NAALADL2: variants seen among roughly 807,000 people sequenced by gnomAD.
NAALADL2 encodes the protein inactive N-acetylated-alpha-linked acidic dipeptidase-like protein 2.
A neutral mutation model predicts 87.2 loss-of-function variants in NAALADL2; 76 were observed. The ratio of observed to expected loss-of-function variants is 0.87; its 90% CI spans 0.72 to 1.05. NAALADL2 has a LOEUF of 1.05. NAALADL2 is among the 50% of genes least tolerant of loss of function. The probability of loss-of-function intolerance (pLI) is 0.00; values close to 1 mark genes in which losing one functional copy is unlikely to be tolerated. For missense variants in NAALADL2, 1,089 were observed against 945.8 expected (o/e 1.15, Z -1.99); for synonymous variants, 354 against 331.0 (o/e 1.07, Z -0.75).
At chr3:174,456,835 A>G (rs1228954568) in intron 1 of NAALADL2, among the ~76,000 whole-genome samples, 1 of 152,168 alleles carries the variant, frequency 6.6e-6, no homozygotes, top group Non-Finnish European at 1.5e-5. Flanking sequence ...GAAGACACCA[A>G]AAGCAATTGC....
intron 1 of NAALADL2, among the ~76,000 whole-genome samples, chr3:174,977,290 A>G: frequency 6.6e-6 from 1 of 152,198 alleles, no homozygotes; most frequent in East Asian, 1.9e-4. Flanking sequence ...ACGCCCAGCT[A>G]ATTTTTGTAT....
At chr3:175,511,461 C>T (rs996750555) in intron 9 of NAALADL2, among the ~76,000 whole-genome samples, 8 of 152,132 alleles carry the variant, frequency 5.3e-5, no homozygotes, top group Non-Finnish European at 8.8e-5. Context: ...GGAAGGGCCA[C>T]GTGGCAATAC....
chr3:175,556,058 G>A (rs1030078564), intron 9 of NAALADL2, among the ~76,000 whole-genome samples: 1 of 152,226 alleles, frequency 6.6e-6, no homozygotes, highest in South Asian at 2.1e-4. Flanking sequence ...TAAGGGCATC[G>A]TCTCTGGGTA....
chr3:174,813,301 T>C (rs1473004624), intron 3 of NAALADL2, among the ~76,000 whole-genome samples: 3 of 152,078 alleles, frequency 2.0e-5, no homozygotes, highest in Non-Finnish European at 4.4e-5. Context: ...AATCTCATAA[T>C]GTTTTAAGAA....
At position 174,532,776 on chromosome 3, in the gene NAALADL2, C is replaced by A. The variant is rs557423931; in HGVS notation, c.-183-17793C>A. Among the ~76,000 whole-genome samples the A allele has an allele frequency of 7.6e-3, 1,157 of 152,148 alleles. 6 individuals carry two copies. Among genetic ancestry groups the A allele is most frequent in the Non-Finnish European group, 0.012 (816 of 67,998 alleles). ...CCTTTCTACTCACTTCTCAACTTCA[C>A]CAAACTGTATCCCCTGTTGACTTTT... On this transcript the variant is annotated intron_variant, in intron 1 of 3. Transcript: ENST00000434257.
chr3:175,078,274 A>C (rs565255816), intron 1 of NAALADL2, among the ~76,000 whole-genome samples: 4 of 152,104 alleles, frequency 2.6e-5, no homozygotes, highest in African/African-American at 9.6e-5. Context: ...ATCTGCCCGC[A>C]TTGGCCTCCC....
chr3:174,558,817 A>G (rs556130889), intron 2 of NAALADL2, among the ~76,000 whole-genome samples: 1 of 152,136 alleles, frequency 6.6e-6, no homozygotes, highest in Non-Finnish European at 1.5e-5. Flanking sequence ...TTTATCAAAC[A>G]TTTTGCCAAC....
intron 1 of NAALADL2, among the ~76,000 whole-genome samples, chr3:174,482,690 T>TTTGCC (rs1717633731): frequency 1.3e-5 from 2 of 152,010 alleles, no homozygotes; most frequent in African/African-American, 4.8e-5. Flanking sequence ...CCCTCTGTCT[T>TTTGCC]ATTCCTTTTG....
At chr3:174,805,337 C>G (rs1466838094) in intron 3 of NAALADL2, among the ~76,000 whole-genome samples, 1 of 152,004 alleles carries the variant, frequency 6.6e-6, no homozygotes, top group Non-Finnish European at 1.5e-5. Context: ...GAATATGTCT[C>G]CTAGGATTAC....
chr3:175,294,347 T>C (rs1468950887), intron 4 of NAALADL2, among the ~76,000 whole-genome samples: 1 of 150,360 alleles, frequency 6.7e-6, no homozygotes, highest in Non-Finnish European at 1.5e-5. Context: ...TTTTTAATAT[T>C]CACCACTGTG....
chr3:175,631,712 A>C (rs370216243), intron 11 of NAALADL2, among the ~76,000 whole-genome samples: 10 of 151,990 alleles, frequency 6.6e-5, no homozygotes, highest in Non-Finnish European at 1.2e-4. Context: ...TTCATTGACT[A>C]AACCTAAACA....
intron 2 of NAALADL2, among the ~76,000 whole-genome samples, chr3:175,132,175 G>A (rs1728109794): frequency 2.0e-5 from 2 of 102,086 alleles, no homozygotes; most frequent in Admixed American, 9.0e-5. Flanking sequence ...GCAGCTGGCT[G>A]GGCAGAGGGG....
chr3:174,838,507 G>C (rs1723633210), intron 3 of NAALADL2, among the ~76,000 whole-genome samples: 2 of 152,110 alleles, frequency 1.3e-5, no homozygotes, highest in Admixed American at 1.3e-4. Context: ...AATCAGACAA[G>C]AGAAGGAAAT....
At chr3:174,991,655 C>T (rs1357840335) in intron 1 of NAALADL2, among the ~76,000 whole-genome samples, 1 of 151,922 alleles carries the variant, frequency 6.6e-6, no homozygotes, top group Non-Finnish European at 1.5e-5. Context: ...AAATATGCTT[C>T]TGTATGGAGA....
At chr3:174,556,477 G>A (rs1578161886) in intron 2 of NAALADL2, among the ~76,000 whole-genome samples, 1 of 148,782 alleles carries the variant, frequency 6.7e-6, no homozygotes, top group Non-Finnish European at 1.5e-5. Context: ...TCCTTTCATT[G>A]TGAAAAACAT....
chr3:174,458,826 A>G (rs1277912216), intron 1 of NAALADL2, among the ~76,000 whole-genome samples: 2 of 152,202 alleles, frequency 1.3e-5, no homozygotes, highest in African/African-American at 2.4e-5. Flanking sequence ...GCTGATTGCA[A>G]TTAGCCTTTT....
intron 4 of NAALADL2, among the ~76,000 whole-genome samples, chr3:175,314,666 CTATATATATATATATATATATATA>C (rs60572633): frequency 0.18 from 5,590 of 30,804 alleles, 367 homozygotes; most frequent in Middle Eastern, 0.37. Context: ...ATAGTTCTAA[CTATATATATATATATATATATATA>C]TATATATATA....
At chr3:175,138,816 G>A (rs1234038541) in intron 2 of NAALADL2, among the ~76,000 whole-genome samples, 1 of 143,390 alleles carries the variant, frequency 7.0e-6, no homozygotes. Flanking sequence ...TTGGTAGTTT[G>A]CTTTTAGATC....
intron 5 of NAALADL2, among the ~76,000 whole-genome samples, chr3:175,440,651 A>G (rs915512596): frequency 1.3e-5 from 2 of 152,058 alleles, no homozygotes; most frequent in Admixed American, 6.6e-5. Context: ...CAGCTATTGT[A>G]AAGGGGGTTG....
Sources: allele counts gnomAD v4.1 joint callset (sites outside exome capture counted in the v4.1 genomes callset), GRCh38; gene constraint gnomAD v4.1.1; transcripts MANE v1.5; gene names NCBI Gene and HGNC (gene_info 2026-07-23, HGNC 2026-07-21).